The following SAP30BP variants were observed in gnomAD, a reference collection of about 807,000 sequenced individuals.
The protein encoded by SAP30BP is SAP30 binding protein, also known as SAP30-binding protein.
Under a neutral mutation model 46.3 loss-of-function variants are expected in SAP30BP, and 31 were observed. The observed-to-expected ratio is 0.67, with a 90% CI of 0.50 to 0.90. The LOEUF (loss-of-function observed/expected upper bound fraction) is 0.90. Among genes scored for constraint, SAP30BP ranks in the 40% least tolerant of loss-of-function variants. The pLI, the probability that SAP30BP is intolerant of heterozygous loss-of-function variation, is 0.00. For missense variants in SAP30BP, 312 were observed against 391.0 expected, an observed-to-expected ratio of 0.80 and a Z score of 1.70; for synonymous variants, 169 against 144.2, an observed-to-expected ratio of 1.17 and a Z score of -1.23.
intron 1 of SAP30BP, 109 bp downstream of exon 1, chr17:75,667,587 C>G: frequency 2.0e-6 from 2 of 977,658 alleles, no homozygotes; most frequent in Non-Finnish European, 3.1e-6. Context: ...AAGCACCGGA[C>G]CCCGAAGAAT....
chr17:75,703,870 G>A lies in SAP30BP; in HGVS notation c.601+11G>A, dbSNP rs189363591. ...ACTATGAGGCATTAGGTAGCCTTTC[G>A]TCCCTCCTCCCATATACCTTGTCCG... On this transcript the variant is annotated intron_variant, in intron 8 of 10. Coordinates refer to ENST00000584667, the MANE Select transcript of SAP30BP (RefSeq NM_013260.8). The A allele has an allele frequency of 1.1e-3, 1,702 of 1,603,182 alleles. 24 individuals carry two copies. In the South Asian group the frequency reaches 0.014, roughly 13 times the overall value.
intron 8 of SAP30BP, 153 bp from the exon 9 acceptor site, chr17:75,704,603 G>T: frequency 1.5e-6 from 1 of 675,864 alleles, no homozygotes; most frequent in Middle Eastern, 4.1e-4. Flanking sequence ...GCCCTATGCC[G>T]ACCAAGGGCT....
chr17:75,684,222 C>T (rs1200560512), intron 3 of SAP30BP, among the ~76,000 whole-genome samples: 2 of 152,144 alleles, frequency 1.3e-5, no homozygotes, highest in African/African-American at 4.8e-5. Flanking sequence ...TCAGTTTACT[C>T]GTGTGCAAAA....
intron 3 of SAP30BP, among the ~76,000 whole-genome samples, chr17:75,681,302 G>T (rs2060072817): frequency 6.6e-6 from 1 of 152,148 alleles, no homozygotes; most frequent in African/African-American, 2.4e-5. Flanking sequence ...CCAGAGTGGG[G>T]GCCTTGACAA....
intron 3 of SAP30BP, among the ~76,000 whole-genome samples, chr17:75,673,108 A>T (rs760132442): frequency 6.6e-6 from 1 of 152,202 alleles, no homozygotes; most frequent in Non-Finnish European, 1.5e-5. Context: ...ATTTGAGCTG[A>T]TTCTGTGATT....
At position 75,668,576 on chromosome 17, in the gene SAP30BP, G is replaced by A; in HGVS notation, c.167G>A (p.Gly56Asp). Residue 56 changes from glycine (G) to aspartate (D), a missense_variant, in exon 2 of 11, where the codon GGT becomes GAT. Physicochemically the swap from Gly to Asp is moderately conservative, Grantham distance 94. Transcript: ENST00000584667. ...YGEDDFSRLG[G>D]DEDGYEEEED... ...GAGGATGACTTTTCTCGTCTAGGGGGTGATGAAGATGGTTATGAAGAAGAA... is the reference window on the plus strand; with the variant it reads ...GAGGATGACTTTTCTCGTCTAGGGGATGATGAAGATGGTTATGAAGAAGAA... 1 of 1,607,582 alleles carries A rather than the reference G, an allele frequency of 6.2e-7. No individual in the cohort carries two copies. The highest frequency in any genetic ancestry group is 8.5e-7 in the Non-Finnish European group (1 of 1,177,520).
At chr17:75,681,565 C>A (rs1191119083) in intron 3 of SAP30BP, among the ~76,000 whole-genome samples, 2 of 152,190 alleles carry the variant, frequency 1.3e-5, no homozygotes, top group Non-Finnish European at 1.5e-5. Context: ...TGAAAACTGC[C>A]TAAGGGGCTA....
At chr17:75,667,584 G>A (rs1289829982) in intron 1 of SAP30BP, 106 bp downstream of exon 1, 2 of 998,730 alleles carry the variant, frequency 2.0e-6, no homozygotes, top group Non-Finnish European at 3.0e-6. Context: ...TCCAAGCACC[G>A]GACCCCGAAG....
intron 2 of SAP30BP, 62 bp from the exon 3 acceptor site, chr17:75,671,754 G>A: frequency 1.6e-6 from 2 of 1,290,080 alleles, no homozygotes; most frequent in Non-Finnish European, 2.3e-6. Flanking sequence ...CCCTAGTTAT[G>A]CATGTGAGAC....
Position 75,699,865 on chromosome 17 carries a change from C to T in SAP30BP, c.390C>T (p.His130=). 6 of 1,611,460 alleles carry T rather than the reference C, an allele frequency of 3.7e-6. No individual in the cohort carries two copies. The highest frequency in any genetic ancestry group is 4.2e-6 in the Non-Finnish European group (5 of 1,177,692). Residue 130 remains histidine (H), a synonymous_variant, in exon 5 of 11, where the codon CAC becomes CAT. Transcript: ENST00000584667. ...AACCCCCTGGCAGATGTTCAAATCA[C>T]TTGCAAGTAAGCATGAGACTCGGCT... ...PPEPPGRCSN[H]LQDKIQKLYE... is the part of the protein sequence containing the mutation.
chr17:75,677,105 ACT>A (rs2060002156), intron 3 of SAP30BP, among the ~76,000 whole-genome samples: 1 of 117,666 alleles, frequency 8.5e-6, no homozygotes, highest in Non-Finnish European at 1.8e-5. Context: ...CTGGCAGAAA[ACT>A]TTTTTTTTTT....
chr17:75,699,335 AG>A (rs1411493093), intron 4 of SAP30BP, among the ~76,000 whole-genome samples: 9 of 152,108 alleles, frequency 5.9e-5, no homozygotes, highest in African/African-American at 2.2e-4. Flanking sequence ...CTGGGTTTAC[AG>A]GCATGCATCA....
At chr17:75,692,475 T>C in intron 3 of SAP30BP, 1 of 985,458 alleles carries the variant, frequency 1.0e-6, no homozygotes, top group Non-Finnish European at 1.2e-6. Flanking sequence ...AGATTGTTGA[T>C]CTAACTGGCT....
intron 3 of SAP30BP, chr17:75,690,920 T>G (rs1394504707): frequency 3.3e-5 from 12 of 364,992 alleles, no homozygotes; most frequent in Non-Finnish European, 4.9e-5. Flanking sequence ...GGCCTCCTCC[T>G]GAGCGTGCAC....
intron 3 of SAP30BP, among the ~76,000 whole-genome samples, chr17:75,690,925 G>A (rs376863807): frequency 1.3e-5 from 2 of 152,306 alleles, no homozygotes; most frequent in South Asian, 2.1e-4. Flanking sequence ...CCTCCTGAGC[G>A]TGCACGCTTA....
At position 75,702,690 on chromosome 17, in the gene SAP30BP, C is replaced by G. The variant is rs983683977; in HGVS notation, c.488+119C>G. On this transcript the variant is annotated intron_variant, in intron 6 of 10. Coordinates refer to ENST00000584667, the MANE Select transcript of SAP30BP (RefSeq NM_013260.8). ...AGCCCAAACCATCACCCAGACTTGT[C>G]ATTACACTGAGTGCCTGCTGGACAT... is the stretch of plus-strand genomic sequence containing the variant. 7.5e-6 allele frequency: 4 copies of G among 533,890 alleles called. No homozygotes were observed. In the African/African-American group the frequency reaches 7.7e-5, roughly 10 times the overall value. 33.1% of individuals were successfully genotyped at this position (533,890 alleles called of 1,614,324 possible).
intron 3 of SAP30BP, among the ~76,000 whole-genome samples, chr17:75,682,197 T>A (rs1328913441): frequency 6.6e-6 from 1 of 152,114 alleles, no homozygotes; most frequent in East Asian, 1.9e-4. Flanking sequence ...CATTTTTTTT[T>A]TTTTGAGACG....
chr17:75,677,233 G>A (rs1169256361), intron 3 of SAP30BP, among the ~76,000 whole-genome samples: 6 of 150,074 alleles, frequency 4.0e-5, no homozygotes, highest in Non-Finnish European at 8.9e-5. Flanking sequence ...AGCTTCCTGA[G>A]TAGCTGGGAT....
intron 2 of SAP30BP, among the ~76,000 whole-genome samples, chr17:75,669,275 GCT>G (rs1462813745): frequency 6.6e-6 from 1 of 151,690 alleles, no homozygotes; most frequent in Non-Finnish European, 1.5e-5. Context: ...TCGGAATCTT[GCT>G]CTGTCGCCCA....
Sources: allele counts gnomAD v4.1 joint callset (sites outside exome capture counted in the v4.1 genomes callset), GRCh38; gene constraint gnomAD v4.1.1; transcripts MANE v1.5; gene names NCBI Gene and HGNC (gene_info 2026-07-23, HGNC 2026-07-21).